KIRREL3: variants seen among roughly 807,000 people sequenced by gnomAD.
KIRREL3 encodes the protein kin of IRRE-like protein 3.
KIRREL3 carries 36 observed loss-of-function variants against 89.7 expected under a neutral mutation model. That is an observed-to-expected ratio of 0.40 (90% CI 0.31 to 0.53). The LOEUF (loss-of-function observed/expected upper bound fraction) is 0.53. Ranked by LOEUF, KIRREL3 falls within the 20% of genes least tolerant of loss-of-function variation. KIRREL3 has a pLI of 0.49. For synonymous variants in KIRREL3, 445 were observed against 441.4 expected, an observed-to-expected ratio of 1.01 and a Z score of -0.10; for missense variants, 864 against 1,056.6, an observed-to-expected ratio of 0.82 and a Z score of 2.53.
chr11:126,637,262 T>C (rs1314527181), intron 1 of KIRREL3, among the ~76,000 whole-genome samples: 1 of 152,234 alleles, frequency 6.6e-6, no homozygotes, highest in Admixed American at 6.5e-5. Flanking sequence ...TCAGAGTAAC[T>C]GGGAAAATTC....
intron 1 of KIRREL3, among the ~76,000 whole-genome samples, chr11:126,738,857 G>A (rs112761994): frequency 7.5e-4 from 114 of 152,338 alleles, no homozygotes; most frequent in Non-Finnish European, 8.5e-4. Context: ...GGCCTGATGT[G>A]CTGTCACACC....
chr11:126,857,329 C>T (rs983948873), intron 1 of KIRREL3, among the ~76,000 whole-genome samples: 6 of 152,262 alleles, frequency 3.9e-5, no homozygotes, highest in Non-Finnish European at 7.3e-5. Flanking sequence ...CACCCTCCTG[C>T]CTGCCCCAAC....
Position 126,742,843 on chromosome 11 carries a change from C to T in KIRREL3, c.56-179931G>A, listed in dbSNP as rs1949025067. Among the ~76,000 whole-genome samples, 3 of 152,208 alleles carry T rather than the reference C, an allele frequency of 2.0e-5. No homozygotes were observed. Among genetic ancestry groups the T allele is most frequent in the Non-Finnish European group, 4.4e-5 (3 of 68,040 alleles). Reference sequence around the variant, plus strand: ...ACATTCGTTGCTGGGCAACGTGGCTCCTCTCTGAAGAGGCAAGAAAAAGAT... The same window carrying T: ...ACATTCGTTGCTGGGCAACGTGGCTTCTCTCTGAAGAGGCAAGAAAAAGAT... On this transcript the variant is annotated intron_variant, in intron 1 of 16. Coordinates refer to ENST00000525144, the MANE Select transcript of KIRREL3 (RefSeq NM_032531.4). This position sits in a 1 kb window ranked among gnomAD's most constrained non-coding sequence, Gnocchi z 5.3.
intron 7 of KIRREL3, among the ~76,000 whole-genome samples, chr11:126,452,028 C>G (rs999191866): frequency 6.6e-6 from 1 of 152,138 alleles, no homozygotes; most frequent in Non-Finnish European, 1.5e-5. Flanking sequence ...ACGCCGTCTC[C>G]TGCCCTTCCC....
At chr11:126,450,902 TGTGCGTGTGTGTCCAC>T (rs1219564095) in intron 7 of KIRREL3, among the ~76,000 whole-genome samples, 1 of 147,858 alleles carries the variant, frequency 6.8e-6, no homozygotes, top group African/African-American at 2.5e-5. Flanking sequence ...CGTGTGTGCA[TGTGCGTGTGTGTCCAC>T]GTGCATGTGT....
chr11:126,942,383 G>A (rs552283490), intron 1 of KIRREL3, among the ~76,000 whole-genome samples: 2 of 152,104 alleles, frequency 1.3e-5, no homozygotes, highest in South Asian at 2.1e-4. Flanking sequence ...ATGTTCTAAA[G>A]GGCCCAATTC....
intron 1 of KIRREL3, among the ~76,000 whole-genome samples, chr11:126,692,376 G>A (rs1057164986): frequency 5.3e-5 from 8 of 151,372 alleles, no homozygotes; most frequent in South Asian, 4.2e-4. Context: ...GAAACCCTGC[G>A]TCTATTAAAA....
At chr11:126,446,621 G>A in intron 9 of KIRREL3, 138 bp downstream of exon 9, 1 of 999,180 alleles carries the variant, frequency 1.0e-6, no homozygotes, top group Non-Finnish European at 1.4e-6. Flanking sequence ...CTCTTTCTGG[G>A]ATCTTTCTCC....
intron 11 of KIRREL3, among the ~76,000 whole-genome samples, chr11:126,437,895 CACCA>C (rs1955419170): frequency 6.6e-6 from 1 of 152,174 alleles, no homozygotes; most frequent in South Asian, 2.1e-4. Context: ...CATACACACA[CACCA>C]TGTGCTCACA....
intron 4 of KIRREL3, among the ~76,000 whole-genome samples, chr11:126,488,214 C>G (rs1957418305): frequency 6.6e-6 from 1 of 152,240 alleles, no homozygotes; most frequent in East Asian, 1.9e-4. Flanking sequence ...ATTAAGTTTG[C>G]TGGTGTTGGT....
chr11:126,444,661 C>T (rs972746017), intron 10 of KIRREL3, among the ~76,000 whole-genome samples: 5 of 152,312 alleles, frequency 3.3e-5, no homozygotes, highest in Admixed American at 1.3e-4. Flanking sequence ...AGGGTGGACA[C>T]GTTGGCCACC....
rs949637765 is a variant in KIRREL3, at chr11:126,601,510, T to C, written c.56-38598A>G. On this transcript the variant is annotated intron_variant, in intron 1 of 16. Coordinates refer to ENST00000525144, the MANE Select transcript of KIRREL3 (RefSeq NM_032531.4). The surrounding 1 kb of genome is among the most constrained non-coding windows in gnomAD (Gnocchi z 5.8). Reference sequence around the variant, plus strand: ...ACGTTATTATCCCAATGTAAGTCAATTTACCTTTGAATTTGAAGGCTATTT... The same window carrying C: ...ACGTTATTATCCCAATGTAAGTCAACTTACCTTTGAATTTGAAGGCTATTT... Among the ~76,000 whole-genome samples the C allele has an allele frequency of 2.0e-5, 3 of 152,242 alleles. No homozygotes were observed. The highest frequency in any genetic ancestry group is 4.4e-5 in the Non-Finnish European group (3 of 68,048).
intron 1 of KIRREL3, among the ~76,000 whole-genome samples, chr11:126,604,192 C>T (rs771186760): frequency 1.3e-5 from 2 of 152,274 alleles, no homozygotes; most frequent in Admixed American, 6.5e-5. Flanking sequence ...CTATCTCCTC[C>T]GGGTGTCCAG....
intron 1 of KIRREL3, among the ~76,000 whole-genome samples, chr11:126,803,340 A>G (rs889842115): frequency 3.3e-5 from 5 of 152,180 alleles, no homozygotes; most frequent in Non-Finnish European, 7.4e-5. Flanking sequence ...CATTGGAAGT[A>G]GAGGAAACCG....
At position 126,997,193 on chromosome 11, in the gene KIRREL3, T is replaced by C. The variant is rs1278762101; in HGVS notation, c.55+3262A>G. Among the ~76,000 whole-genome samples the C allele has an allele frequency of 1.3e-5, 2 of 152,082 alleles. No individual in the cohort carries two copies. The highest frequency in any genetic ancestry group is 2.9e-5 in the Non-Finnish European group (2 of 68,010). ...AATAGTTGTGGGTGAACTGAAATGA[T>C]AAAGAGGAAAAAATATAGCAAGTTC... On this transcript the variant is annotated intron_variant, in intron 1 of 16. Transcript: ENST00000525144. The surrounding 1 kb of genome is among the most constrained non-coding windows in gnomAD (Gnocchi z 4.3).
chr11:126,584,343 C>T (rs1014417653), intron 1 of KIRREL3, among the ~76,000 whole-genome samples: 1 of 152,214 alleles, frequency 6.6e-6, no homozygotes, highest in African/African-American at 2.4e-5. Context: ...CTCTCCATTG[C>T]CTGGCGAGCG....
At chr11:126,832,657 T>C (rs1373549814) in intron 1 of KIRREL3, among the ~76,000 whole-genome samples, 1 of 152,188 alleles carries the variant, frequency 6.6e-6, no homozygotes, top group African/African-American at 2.4e-5. Context: ...GGGTCTTCTT[T>C]GGAAGGGCTC....
chr11:126,459,250 T>C lies in KIRREL3; in HGVS notation c.743-2796A>G, dbSNP rs371028604. ...CCTTCCCTCACCTGGGGGTCTTTTC[T>C]AAAGTGATGAGGTCTGAGAGGCAGG... On this transcript the variant is annotated intron_variant, in intron 6 of 16. Coordinates refer to ENST00000525144, the MANE Select transcript of KIRREL3 (RefSeq NM_032531.4). The surrounding 1 kb of genome is among the most constrained non-coding windows in gnomAD (Gnocchi z 4.8). Among the ~76,000 whole-genome samples the C allele has an allele frequency of 9.2e-5, 14 of 152,202 alleles. 1 individual carries two copies. The highest frequency in any genetic ancestry group is 3.4e-4 in the African/African-American group (14 of 41,528).
In KIRREL3 at chr11:126,752,411, G is replaced by C. The variant is rs1360367192; in HGVS notation, c.56-189499C>G. On this transcript the variant is annotated intron_variant, in intron 1 of 16. Transcript: ENST00000525144. The surrounding 1 kb of genome is among the most constrained non-coding windows in gnomAD (Gnocchi z 4.8). Reference sequence around the variant, plus strand: ...GTTCAAGGGATCCTAGATGCTAACTGGATGATGAGTTAATTATGTAGCTAT... The same window carrying C: ...GTTCAAGGGATCCTAGATGCTAACTCGATGATGAGTTAATTATGTAGCTAT... Among the ~76,000 whole-genome samples the C allele has an allele frequency of 6.6e-6, 1 of 152,110 alleles. No homozygotes were observed.
Sources: gnomAD v4.1 joint callset for allele counts (sites outside exome capture counted in the v4.1 genomes callset) on GRCh38, gnomAD v4.1.1 for gene constraint, Gnocchi (gnomAD v3.1) non-coding constraint, MANE v1.5 for transcripts, NCBI Gene and HGNC (gene_info 2026-07-23, HGNC 2026-07-21) for gene names.